The following TNXB variants were observed in gnomAD, a reference collection of about 807,000 sequenced individuals.
The protein encoded by TNXB is tenascin-X.
A neutral mutation model predicts 340.5 loss-of-function variants in TNXB; 183 were observed. The observed-to-expected ratio is 0.54, with a 90% CI of 0.48 to 0.61. The LOEUF is 0.61. TNXB is among the 20% of genes least tolerant of loss of function. The pLI, the probability that TNXB is intolerant of heterozygous loss-of-function variation, is 0.00. For synonymous variants in TNXB, 2,121 were observed against 2,314.5 expected (o/e 0.92, Z 2.40); for missense variants, 4,613 against 5,446.4 (o/e 0.85, Z 4.82).
Position 32,042,740 on chromosome 6 carries a change from C to T in TNXB, c.12017G>A (p.Gly4006Asp). Reference protein sequence around the residue: ...SYNARLQAMWGQSLLPPVSTS... With the variant: ...SYNARLQAMWDQSLLPPVSTS... ...GGACACGGGCGGCAGGAGGCTCTGG[C>T]CCCACATGGCCTGGAGCCGTGCATT... Residue 4006 changes from glycine to aspartate, a missense_variant, in exon 39 of 44, where the codon GGC (glycine) becomes GAC (aspartate). Gly to Asp is a moderately conservative substitution (Grantham distance 94, BLOSUM62 -1). Coordinates refer to ENST00000644971, the MANE Select transcript of TNXB (RefSeq NM_001365276.2). 1 of 850,240 alleles carries T rather than the reference C, an allele frequency of 1.2e-6. No homozygotes were observed. The highest frequency in any genetic ancestry group is 1.4e-5 in the South Asian group (1 of 69,516). 52.7% of individuals were successfully genotyped at this position (850,240 alleles called of 1,614,324 possible).
In TNXB at chr6:32,043,866, C is replaced by T. The variant is rs1776632949; in HGVS notation, c.11413G>A (p.Gly3805Ser). The change falls in exon 35 of 44, where the codon GGC becomes AGC. Residue 3805 changes from glycine to serine, a missense_variant. Transcript: ENST00000644971. ...TGGAGTTTCTGGGTCCGGGCCTGGC[C>T]ATCCACCTGCACACTCTGAGGCTCC... ...GGEPQSVQVD[G>S]QARTQKLQGL... The T allele has an allele frequency of 1.9e-6, 3 of 1,613,778 alleles. No homozygotes were observed.
rs759520851 is a variant in TNXB at position 32,067,743 on chromosome 6, C to A, written c.6462G>T (p.Glu2154Asp). 1.9e-6 allele frequency: 3 copies of A among 1,613,846 alleles called. No individual in the cohort carries two copies. In the Admixed American group the frequency reaches 5.0e-5, roughly 27 times the overall value. ...GGTGCATCTTGTACTTGCGCCCAGG[C>A]TCCAGGCCCCCCACGGTGACTTCAC... ...EESEVTVGGL[E>D]PGRKYKMHLY... Residue 2154 changes from glutamate to aspartate, a missense_variant, in exon 18 of 44, where the codon GAG becomes GAT. Coordinates refer to ENST00000644971, the MANE Select transcript of TNXB (RefSeq NM_001365276.2). The surrounding 1 kb of genome is among the most constrained non-coding windows in gnomAD (Gnocchi z 4.2).
In TNXB at chr6:32,069,232, G is replaced by C; in HGVS notation, c.5588-96C>G. On this transcript the variant is annotated intron_variant, in intron 15 of 43. Transcript: ENST00000644971. This position sits in a 1 kb window ranked among gnomAD's most constrained non-coding sequence, Gnocchi z 6.2. ...GGAGGAGAGGGAGTGAGGGCAAGCA[G>C]TCAGCAATCGAAAGACCAGCTTTTG... 7.9e-7 allele frequency: 1 copy of C among 1,261,278 alleles called. No homozygotes were observed. The highest frequency in any genetic ancestry group is 1.1e-6 in the Non-Finnish European group (1 of 927,558). 78.1% of individuals were successfully genotyped at this position (1,261,278 alleles called of 1,614,324 possible).
At position 32,069,257 on chromosome 6, in the gene TNXB, G is replaced by T; in HGVS notation, c.5588-121C>A. 1.0e-6 allele frequency: 1 copy of T among 1,002,208 alleles called. No individual in the cohort carries two copies. Among genetic ancestry groups the T allele is most frequent in the Non-Finnish European group, 1.4e-6 (1 of 700,294 alleles). 62.1% of individuals were successfully genotyped at this position (1,002,208 alleles called of 1,614,324 possible). A position where few individuals can be genotyped will look rare whatever the true frequency, so the allele number is the denominator to read the frequency against. ...GTCAGCAATCGAAAGACCAGCTTTT[G>T]CTGCACATGGGTGAATTTCAAAAGC... On this transcript the variant is annotated intron_variant, in intron 15 of 43. Transcript: ENST00000644971. This position sits in a 1 kb window ranked among gnomAD's most constrained non-coding sequence, Gnocchi z 6.2.
rs970703887 is a variant in TNXB, at chr6:32,058,963, C to T, written c.7493-573G>A. On this transcript the variant is annotated intron_variant, in intron 21 of 43. Transcript: ENST00000644971. The surrounding 1 kb of genome is among the most constrained non-coding windows in gnomAD (Gnocchi z 5.1). ...GAACACTGATTGCAACTTTAAAACA[C>T]GCTCTGCATGCAAAATACAGGAAGG... Among the ~76,000 whole-genome samples the T allele has an allele frequency of 1.3e-5, 2 of 151,894 alleles. No homozygotes were observed. The highest frequency in any genetic ancestry group is 2.9e-5 in the Non-Finnish European group (2 of 68,030).
intron 1 of TNXB, among the ~76,000 whole-genome samples, chr6:32,102,546 CTT>C (rs1214938271): frequency 6.6e-6 from 1 of 151,712 alleles, no homozygotes; most frequent in Non-Finnish European, 1.5e-5. Flanking sequence ...CTCTTATACT[CTT>C]ATATACCCTT....
chr6:32,060,171 A>G (rs1000176342), intron 21 of TNXB, among the ~76,000 whole-genome samples: 3 of 151,860 alleles, frequency 2.0e-5, no homozygotes, highest in Admixed American at 2.0e-4. Context: ...CCTCTCTACT[A>G]AAAATACAAA....
rs1041638849 is a variant in TNXB at position 32,097,717 on chromosome 6, T to C, written c.403+79A>G. On this transcript the variant is annotated intron_variant, in intron 2 of 43. Coordinates refer to ENST00000644971, the MANE Select transcript of TNXB (RefSeq NM_001365276.2). The surrounding 1 kb of genome is among the most constrained non-coding windows in gnomAD (Gnocchi z 5.9). ...GTGAGGAAGGAGTGCCTTCTTCTAATTCATACCAAGGACCTTTATGGACTA... is the reference window on the plus strand; with the variant it reads ...GTGAGGAAGGAGTGCCTTCTTCTAACTCATACCAAGGACCTTTATGGACTA... 4 of 1,441,032 alleles carry C rather than the reference T, an allele frequency of 2.8e-6. No individual in the cohort carries two copies. The highest frequency in any genetic ancestry group is 3.9e-4 in the Middle Eastern group (2 of 5,084). 89.3% of individuals were successfully genotyped at this position (1,441,032 alleles called of 1,614,324 possible). A position where few individuals can be genotyped will look rare whatever the true frequency, so the allele number is the denominator to read the frequency against.
At chr6:32,100,113 T>C (rs1033172255) in intron 1 of TNXB, among the ~76,000 whole-genome samples, 1 of 151,932 alleles carries the variant, frequency 6.6e-6, no homozygotes, top group Non-Finnish European at 1.5e-5. Flanking sequence ...ATTTCTTTTT[T>C]TTTTTTTTTA....
In TNXB at chr6:32,098,209, G is replaced by A. The variant is rs745673927; in HGVS notation, c.-8-3C>T. 2.5e-5 allele frequency: 38 copies of A among 1,490,712 alleles called. No individual in the cohort carries two copies. The highest frequency in any genetic ancestry group is 1.8e-4 in the Middle Eastern group (1 of 5,502). 92.3% of individuals were successfully genotyped at this position (1,490,712 alleles called of 1,614,324 possible). On this transcript the variant is annotated splice_polypyrimidine_tract_variant and splice_region_variant and intron_variant, in intron 1 of 43. Transcript: ENST00000644971. ...CTGGGCTGGCATCATTCAGGAGGCT[G>A]CAGGGAGAAAGGGTAGGTATGAGAG...
rs1562874435 is a variant in TNXB, at chr6:32,096,138, C to CCATCTA, written c.1709_1714dup (p.Asp571_Gly572insValAsp). Reference sequence around the variant, plus strand: ...GTAGCCGTCCTCGCACACACACCGCCCATCTAGGCACTGGCCGCGGCCTCG... The same window carrying CCATCTA: ...GTAGCCGTCCTCGCACACACACCGCCCATCTACATCTAGGCACTGGCCGCGGCCTCG... On this transcript the variant is annotated inframe_insertion, in exon 3 of 44. Transcript: ENST00000644971. The CCATCTA allele has an allele frequency of 2.5e-6, 4 of 1,598,534 alleles. No homozygotes were observed. The highest frequency in any genetic ancestry group is 3.4e-6 in the Non-Finnish European group (4 of 1,174,204).
At position 32,084,325 on chromosome 6, in the gene TNXB, T is replaced by C; in HGVS notation, c.3445+88A>G. On this transcript the variant is annotated intron_variant, in intron 8 of 43. Transcript: ENST00000644971. This position sits in a 1 kb window ranked among gnomAD's most constrained non-coding sequence, Gnocchi z 5.5. ...ATGCACCACTGCCTCCAGGAAGCCT[T>C]CCCGGAGCTCCCAAAGCAGGTTCCC... 2 of 1,277,732 alleles carry C rather than the reference T, an allele frequency of 1.6e-6. No individual in the cohort carries two copies. Among genetic ancestry groups the C allele is most frequent in the Non-Finnish European group, 2.1e-6 (2 of 958,874 alleles). 79.1% of individuals were successfully genotyped at this position (1,277,732 alleles called of 1,614,324 possible).
rs896232017 is a variant in TNXB at position 32,106,783 on chromosome 6, C to T, written c.-9+2398G>A. ...CCTTGGGTAAGAGATGGGCTCTGAC[C>T]GACCCTCAAATCCTGTCACTTTGTG... On this transcript the variant is annotated intron_variant, in intron 1 of 43. Coordinates refer to ENST00000644971, the MANE Select transcript of TNXB (RefSeq NM_001365276.2). Among the ~76,000 whole-genome samples the T allele has an allele frequency of 3.3e-5, 5 of 152,210 alleles. No homozygotes were observed. The East Asian group carries it at 5.8e-4, about 18-fold the overall frequency.
Position 32,049,595 on chromosome 6 carries a change from G to T in TNXB, c.9440-8C>A, listed in dbSNP as rs1253834770. ...GGCTGGGGGTCTCTTCCTCTGCAGTGGAGAAGGAGGGAGAGAGAGTGAGGG... is the reference window on the plus strand; with the variant it reads ...GGCTGGGGGTCTCTTCCTCTGCAGTTGAGAAGGAGGGAGAGAGAGTGAGGG... On this transcript the variant is annotated splice_region_variant and splice_polypyrimidine_tract_variant and intron_variant, in intron 27 of 43. Coordinates refer to ENST00000644971, the MANE Select transcript of TNXB (RefSeq NM_001365276.2). The surrounding 1 kb of genome is among the most constrained non-coding windows in gnomAD (Gnocchi z 4.5). The T allele has an allele frequency of 8.1e-6, 13 of 1,607,666 alleles. No individual in the cohort carries two copies. Among genetic ancestry groups the T allele is most frequent in the African/African-American group, 2.7e-5 (2 of 74,722 alleles).
At position 32,079,285 on chromosome 6, in the gene TNXB, G is replaced by C; in HGVS notation, c.4123C>G (p.Leu1375Val). 1 of 1,613,202 alleles carries C rather than the reference G, an allele frequency of 6.2e-7. No homozygotes were observed. The highest frequency in any genetic ancestry group is 8.5e-7 in the Non-Finnish European group (1 of 1,179,860). Residue 1375 changes from leucine to valine, a missense_variant, in exon 11 of 44, where the codon CTG becomes GTG. Physicochemically the swap from Leu to Val is conservative, Grantham distance 32. This residue lies in a region of TNXB where 4,327 missense variants were observed against 4,859.4 expected (regional missense o/e 0.89). Coordinates refer to ENST00000644971, the MANE Select transcript of TNXB (RefSeq NM_001365276.2). This position sits in a 1 kb window ranked among gnomAD's most constrained non-coding sequence, Gnocchi z 7.1. ...EAPESPEEPL[L>V]GELTVTGSSP... ...GATCCTGTCACTGTCAGCTCCCCCA[G>C]GAGCGGCTCCTCGGGGGACTCCGGG...
At position 32,058,314 on chromosome 6, in the gene TNXB, A is replaced by G. The variant is rs367800670; in HGVS notation, c.7569T>C (p.Pro2523=). The change falls in exon 22 of 44, where the codon CCT becomes CCC. Residue 2523 remains proline (P), a synonymous_variant. Coordinates refer to ENST00000644971, the MANE Select transcript of TNXB (RefSeq NM_001365276.2). The surrounding 1 kb of genome is among the most constrained non-coding windows in gnomAD (Gnocchi z 5.1). ...GTEAPGPPEE[P]LLGELTVTGS... is the part of the protein sequence containing the mutation. The stretch of plus-strand genomic sequence containing the variant: ...CTGTCACTGTCAGCTCCCCCAGGAG[A>G]GGCTCCTCGGGGGGCCCTGGGGCCT... 8.7e-6 allele frequency: 14 copies of G among 1,609,868 alleles called. No homozygotes were observed. The highest frequency in any genetic ancestry group is 1.7e-5 in the Admixed American group (1 of 59,904).
chr6:32,093,354 A>G, intron 4 of TNXB: 1 of 700,260 alleles, frequency 1.4e-6, no homozygotes, highest in Non-Finnish European at 2.6e-6. Flanking sequence ...ATGTTTAAAC[A>G]GAAGAAAAAA....
Position 32,097,851 on chromosome 6 carries a change from C to A in TNXB, c.348G>T (p.Gly116=). 1 of 1,535,452 alleles carries A rather than the reference C, an allele frequency of 6.5e-7. No individual in the cohort carries two copies. The highest frequency in any genetic ancestry group is 8.8e-7 in the Non-Finnish European group (1 of 1,136,042). ...ATCCCCCAGTGCACTGTTCCTTGAGCCCCTTCACCAACTCCTCCAGGATCT... is the reference window on the plus strand; with the variant it reads ...ATCCCCCAGTGCACTGTTCCTTGAGACCCTTCACCAACTCCTCCAGGATCT... ...RLEILEELVK[G]LKEQCTGGCC... The change falls in exon 2 of 44, where the codon GGG becomes GGT. Residue 116 remains glycine, a synonymous_variant. Transcript: ENST00000644971. The surrounding 1 kb of genome is among the most constrained non-coding windows in gnomAD (Gnocchi z 5.9).
At chr6:32,057,130 A>C (rs1582375292) in intron 22 of TNXB, among the ~76,000 whole-genome samples, 4 of 123,596 alleles carry the variant, frequency 3.2e-5, no homozygotes, top group Non-Finnish European at 1.7e-5. Context: ...CACCCAGGCC[A>C]CCTCTCCCTG....
Sources: gnomAD v4.1 joint callset for allele counts (sites outside exome capture counted in the v4.1 genomes callset) on GRCh38, gnomAD v4.1.1 for gene constraint, gnomAD v4.1.1 regional missense constraint, Gnocchi (gnomAD v3.1) non-coding constraint, MANE v1.5 for transcripts, NCBI Gene and HGNC (gene_info 2026-07-23, HGNC 2026-07-21) for gene names.